Variants in CUL5 observed in about 807,000 individuals in gnomAD.
CUL5 encodes the protein cullin-5.
A neutral mutation model predicts 108.8 loss-of-function variants in CUL5; 26 were observed. The ratio of observed to expected loss-of-function variants is 0.24; its 90% CI spans 0.18 to 0.33. The LOEUF is 0.33. CUL5 is among the 10% of genes least tolerant of loss of function. The pLI is 1.00. For missense variants in CUL5, 524 were observed against 909.2 expected (o/e 0.58, Z 5.45); for synonymous variants, 334 against 298.0 (o/e 1.12, Z -1.25).
chr11:108,104,151 C>T lies in CUL5; in HGVS notation c.2149-39C>T, dbSNP rs376254020. 1.2e-4 allele frequency: 158 copies of T among 1,324,872 alleles called. 1 individual carries two copies. In the Middle Eastern group the frequency reaches 1.9e-3, roughly 16 times the overall value. 82.1% of individuals were successfully genotyped at this position (1,324,872 alleles called of 1,614,324 possible). A position where few individuals can be genotyped will look rare whatever the true frequency, so the allele number is the denominator to read the frequency against. On this transcript the variant is annotated intron_variant, in intron 18 of 18. Transcript: ENST00000393094. ...CAGTTTGTTGTACTTAAAATAATTTCGTATATTAATGCGCTTTTATTTTTA... is the reference window on the plus strand; with the variant it reads ...CAGTTTGTTGTACTTAAAATAATTTTGTATATTAATGCGCTTTTATTTTTA...
chr11:108,085,326 A>C (rs1035832835), intron 11 of CUL5, among the ~76,000 whole-genome samples: 1 of 152,182 alleles, frequency 6.6e-6, no homozygotes, highest in Admixed American at 6.5e-5. Context: ...AGCCAGACAC[A>C]TAAGGACAAA....
intron 2 of CUL5, among the ~76,000 whole-genome samples, chr11:108,036,001 C>T (rs537040942): frequency 6.4e-4 from 97 of 152,290 alleles, no homozygotes; most frequent in Admixed American, 2.2e-3. Flanking sequence ...ATCAGCGAGA[C>T]TGTCCTAAGT....
intron 8 of CUL5, among the ~76,000 whole-genome samples, chr11:108,070,683 T>C (rs1159674099): frequency 6.6e-6 from 1 of 152,000 alleles, no homozygotes; most frequent in Non-Finnish European, 1.5e-5. Flanking sequence ...AGCAAGTATA[T>C]AACAAACTAA....
intron 2 of CUL5, among the ~76,000 whole-genome samples, chr11:108,039,467 T>C (rs1862836140): frequency 2.0e-5 from 3 of 152,260 alleles, no homozygotes; most frequent in South Asian, 2.1e-4. Flanking sequence ...CCTTCCTTAG[T>C]TGAGAACTGC....
At chr11:108,060,786 C>T (rs980936647) in intron 7 of CUL5, among the ~76,000 whole-genome samples, 12 of 151,708 alleles carry the variant, frequency 7.9e-5, no homozygotes, top group African/African-American at 2.2e-4. Context: ...GCAGTGAGAT[C>T]GCGCCATTGC....
intron 15 of CUL5, 68 bp from the exon 16 acceptor site, chr11:108,095,462 C>G (rs1160968939): frequency 1.8e-5 from 19 of 1,079,918 alleles, no homozygotes; most frequent in Non-Finnish European, 2.2e-5. Context: ...TATATAAATT[C>G]ATGTCATAGA....
At chr11:108,020,162 C>G (rs1447060324) in intron 1 of CUL5, among the ~76,000 whole-genome samples, 1 of 152,182 alleles carries the variant, frequency 6.6e-6, no homozygotes, top group East Asian at 1.9e-4. Flanking sequence ...AACATCCAAA[C>G]TGTAGCAGTA....
At chr11:108,089,224 A>T (rs891561026) in intron 12 of CUL5, among the ~76,000 whole-genome samples, 1 of 152,050 alleles carries the variant, frequency 6.6e-6, no homozygotes, top group East Asian at 1.9e-4. Context: ...GATTTTTTTC[A>T]TGTAAAGTAT....
rs1250151340 is a variant in CUL5 at position 108,052,758 on chromosome 11, A to G, written c.510A>G (p.Glu170=). 2 of 1,613,916 alleles carry G rather than the reference A, an allele frequency of 1.2e-6. No individual in the cohort carries two copies. Among genetic ancestry groups the G allele is most frequent in the Non-Finnish European group, 8.5e-7 (1 of 1,179,852 alleles). ...MKLVHAERLG[E]AFDSQLVIGV... is the part of the protein sequence containing the mutation. The stretch of plus-strand genomic sequence containing the variant: ...TGGTACATGCTGAGAGATTGGGAGA[A>G]GCTTTTGATTCTCAGCTGGTTATTG... The change falls in exon 5 of 19, where the codon GAA becomes GAG. Residue 170 remains glutamate, a synonymous_variant. Transcript: ENST00000393094.
At chr11:108,036,871 T>A (rs12295056) in intron 2 of CUL5, among the ~76,000 whole-genome samples, 3 of 152,148 alleles carry the variant, frequency 2.0e-5, no homozygotes, top group Middle Eastern at 3.2e-3. Flanking sequence ...AAATCCTGAC[T>A]GGAATGCAAG....
intron 3 of CUL5, chr11:108,046,625 T>C (rs928825635): frequency 6.6e-6 from 2 of 301,088 alleles, no homozygotes; most frequent in Non-Finnish European, 6.1e-6. Context: ...TTTTATATTT[T>C]TTGGGAGTCC....
rs569322697 is a variant in CUL5, at chr11:108,043,926, G to A, written c.135-2344G>A. On this transcript the variant is annotated intron_variant, in intron 2 of 18. Coordinates refer to ENST00000393094, the MANE Select transcript of CUL5 (RefSeq NM_003478.6). Reference sequence around the variant, plus strand: ...TAATCCCAGCTACTTGGGAGGCTGAGGCAGGAGAATCATTTGAACCCAGGA... The same window carrying A: ...TAATCCCAGCTACTTGGGAGGCTGAAGCAGGAGAATCATTTGAACCCAGGA... Among the ~76,000 whole-genome samples the A allele has an allele frequency of 4.6e-5, 7 of 152,266 alleles. No homozygotes were observed. The East Asian group carries it at 1.2e-3, about 25-fold the overall frequency.
chr11:108,038,579 G>T (rs1200996738), intron 2 of CUL5, among the ~76,000 whole-genome samples: 2 of 151,742 alleles, frequency 1.3e-5, no homozygotes, highest in Non-Finnish European at 2.9e-5. Flanking sequence ...GGAGGCTGAG[G>T]CAGGATAATC....
intron 1 of CUL5, among the ~76,000 whole-genome samples, chr11:108,013,059 G>T (rs567036805): frequency 5.9e-5 from 9 of 152,224 alleles, no homozygotes; most frequent in Non-Finnish European, 1.3e-4. Context: ...GAACCTGTCA[G>T]TCATAAAAGT....
At chr11:108,094,564 C>G (rs1328493616) in intron 14 of CUL5, 50 bp downstream of exon 14, 23 of 1,078,084 alleles carry the variant, frequency 2.1e-5, no homozygotes, top group Non-Finnish European at 2.8e-5. Context: ...AGAAGAATAT[C>G]TTTGTTTTCC....
At chr11:108,053,446 G>A (rs1387384284) in intron 5 of CUL5, among the ~76,000 whole-genome samples, 2 of 151,918 alleles carry the variant, frequency 1.3e-5, no homozygotes, top group Non-Finnish European at 2.9e-5. Flanking sequence ...TTTCTTCATG[G>A]CCCCCATATT....
chr11:108,036,996 G>A (rs904547209), intron 2 of CUL5, among the ~76,000 whole-genome samples: 2 of 151,942 alleles, frequency 1.3e-5, no homozygotes, highest in Non-Finnish European at 2.9e-5. Context: ...CCAGCCCTGG[G>A]CTCTGATCTT....
intron 3 of CUL5, among the ~76,000 whole-genome samples, chr11:108,047,153 A>G (rs1051859295): frequency 3.3e-5 from 5 of 152,034 alleles, no homozygotes; most frequent in Non-Finnish European, 5.9e-5. Flanking sequence ...CCTTGCCTCT[A>G]TACAAAATAA....
chr11:108,078,447 A>C (rs898237046), intron 11 of CUL5, among the ~76,000 whole-genome samples: 8 of 152,044 alleles, frequency 5.3e-5, no homozygotes, highest in Admixed American at 1.3e-4. Context: ...TTCAGGTAAA[A>C]AAAAAATATT....
Sources: allele counts gnomAD v4.1 joint callset (sites outside exome capture counted in the v4.1 genomes callset), GRCh38; gene constraint gnomAD v4.1.1; transcripts MANE v1.5; gene names NCBI Gene and HGNC (gene_info 2026-07-23, HGNC 2026-07-21).